The following LRRC75A variants were observed in gnomAD, a reference collection of about 807,000 sequenced individuals.
LRRC75A encodes leucine rich repeat containing 75A, also known as leucine-rich repeat-containing protein 75A.
A neutral mutation model predicts 26.0 loss-of-function variants in LRRC75A; 12 were observed. The observed-to-expected ratio is 0.46, with a 90% CI of 0.30 to 0.75. The LOEUF (loss-of-function observed/expected upper bound fraction) is 0.75. Ranked by LOEUF, LRRC75A falls within the 30% of genes least tolerant of loss-of-function variation. The pLI is 0.08. For synonymous variants in LRRC75A, 223 were observed against 219.3 expected (o/e 1.02, Z -0.15); for missense variants, 410 against 486.6 (o/e 0.84, Z 1.48).
intron 3 of LRRC75A, among the ~76,000 whole-genome samples, chr17:16,445,844 C>T (rs1196132645): frequency 6.6e-6 from 1 of 152,202 alleles, no homozygotes; most frequent in East Asian, 1.9e-4. Context: ...AATTCAGCCC[C>T]ACCACTTACC....
At chr17:16,487,793 C>T (rs2093849965) in intron 1 of LRRC75A, among the ~76,000 whole-genome samples, 1 of 152,160 alleles carries the variant, frequency 6.6e-6, no homozygotes, top group African/African-American at 2.4e-5. Flanking sequence ...AGAGTGAAGC[C>T]AGCCTCACCA....
chr17:16,479,961 C>T (rs2093829862), intron 1 of LRRC75A, among the ~76,000 whole-genome samples: 1 of 152,228 alleles, frequency 6.6e-6, no homozygotes, highest in Non-Finnish European at 1.5e-5. Context: ...AACAGTGGGC[C>T]AGTGTTCCCA....
chr17:16,449,507 A>G (rs573864836), intron 2 of LRRC75A, among the ~76,000 whole-genome samples: 3 of 152,346 alleles, frequency 2.0e-5, no homozygotes, highest in East Asian at 3.9e-4. Flanking sequence ...CTCTCCAGGC[A>G]CACTCTAAGT....
At position 16,491,398 on chromosome 17, in the gene LRRC75A, G is replaced by A. The variant is rs1229863571; in HGVS notation, c.246+347C>T. 6.6e-6 allele frequency among the ~76,000 whole-genome samples: 1 copy of A among 152,220 alleles called. No individual in the cohort carries two copies. The highest frequency in any genetic ancestry group is 2.4e-5 in the African/African-American group (1 of 41,458). Reference sequence around the variant, plus strand: ...TGCCAGTGGGCAGACAGGAAGAAAAGAGCCCTGGCCCAGATCAGGCAGGCA... The same window carrying A: ...TGCCAGTGGGCAGACAGGAAGAAAAAAGCCCTGGCCCAGATCAGGCAGGCA... On this transcript the variant is annotated intron_variant, in intron 1 of 3. Coordinates refer to ENST00000470794, the MANE Select transcript of LRRC75A (RefSeq NM_001113567.3). This position sits in a 1 kb window ranked among gnomAD's most constrained non-coding sequence, Gnocchi z 5.9.
Position 16,478,211 on chromosome 17 carries a change from G to A in LRRC75A, c.246+13534C>T, listed in dbSNP as rs1421165611. ...TTTTTCTTTTTTTTTTTTTTGAGAT[G>A]GAGTCTTGCTTTGTCACCCAGGTTG... On this transcript the variant is annotated intron_variant, in intron 1 of 3. Transcript: ENST00000470794. Among the ~76,000 whole-genome samples the A allele has an allele frequency of 2.9e-5, 4 of 140,056 alleles. No homozygotes were observed. In the East Asian group the frequency reaches 6.2e-4, roughly 22 times the overall value. The allele number at this position is 140,056 out of a possible 152,430, so 91.9% of individuals were successfully genotyped here. A position where few individuals can be genotyped will look rare whatever the true frequency, so the allele number is the denominator to read the frequency against.
intron 1 of LRRC75A, among the ~76,000 whole-genome samples, chr17:16,466,823 G>C (rs756645916): frequency 6.6e-6 from 1 of 152,186 alleles, no homozygotes; most frequent in African/African-American, 2.4e-5. Flanking sequence ...CAAAAAGTGA[G>C]TAGAGATTTA....
intron 1 of LRRC75A, among the ~76,000 whole-genome samples, chr17:16,489,717 C>T (rs1454607377): frequency 6.6e-6 from 1 of 152,222 alleles, no homozygotes; most frequent in East Asian, 1.9e-4. Context: ...GGTCCTGCTC[C>T]ATCCGTTCCA....
chr17:16,453,017 G>A (rs2093645369), intron 2 of LRRC75A, among the ~76,000 whole-genome samples: 1 of 152,070 alleles, frequency 6.6e-6, no homozygotes, highest in Admixed American at 6.6e-5. Flanking sequence ...GAGGCCGGGC[G>A]CGGTAGTTCA....
Position 16,443,809 on chromosome 17 carries a change from C to A in LRRC75A, c.814G>T (p.Val272Leu). Residue 272 changes from valine (V) to leucine (L), a missense_variant, in exon 4 of 4, where the codon GTG becomes TTG. Transcript: ENST00000470794. ...GGCTGGGGCAAGGAGAAGATGTCCA[C>A]GTTGTTGCCCAGGTCAATCCACGTG... is the stretch of plus-strand genomic sequence containing the variant. ...NVTWIDLGNN[V>L]DIFSLPQPFL... The A allele has an allele frequency of 6.2e-7, 1 of 1,613,892 alleles. No homozygotes were observed. The highest frequency in any genetic ancestry group is 1.1e-5 in the South Asian group (1 of 91,086).
At chr17:16,464,232 G>A (rs2093750778) in intron 1 of LRRC75A, among the ~76,000 whole-genome samples, 1 of 151,012 alleles carries the variant, frequency 6.6e-6, no homozygotes. Context: ...GAAAAAATTT[G>A]CTGGGAACCA....
chr17:16,458,263 C>T (rs573107964), intron 2 of LRRC75A, among the ~76,000 whole-genome samples: 5 of 151,944 alleles, frequency 3.3e-5, no homozygotes, highest in East Asian at 3.9e-4. Flanking sequence ...GTCGAGATTG[C>T]GCCATTGCAC....
chr17:16,445,380 T>C (rs2093575329), intron 3 of LRRC75A, among the ~76,000 whole-genome samples: 1 of 152,026 alleles, frequency 6.6e-6, no homozygotes, highest in African/African-American at 2.4e-5. Flanking sequence ...TTGGCCAGGA[T>C]GGTCTCGATC....
chr17:16,456,397 A>G (rs190725903), intron 2 of LRRC75A, among the ~76,000 whole-genome samples: 9 of 105,368 alleles, frequency 8.5e-5, no homozygotes, highest in Non-Finnish European at 1.2e-4. Flanking sequence ...GAAGAAGGAA[A>G]AGGAGGAAGA....
chr17:16,455,135 G>A (rs1275580848), intron 2 of LRRC75A, among the ~76,000 whole-genome samples: 1 of 151,944 alleles, frequency 6.6e-6, no homozygotes, highest in Non-Finnish European at 1.5e-5. Flanking sequence ...GTTTCACTAT[G>A]TTGGCCAGGT....
chr17:16,470,999 G>A (rs1306263745), intron 1 of LRRC75A, among the ~76,000 whole-genome samples: 1 of 152,170 alleles, frequency 6.6e-6, no homozygotes, highest in Non-Finnish European at 1.5e-5. Context: ...GATGCAGTGG[G>A]ATGAATGGTG....
At position 16,491,039 on chromosome 17, in the gene LRRC75A, C is replaced by T. The variant is rs2093856067; in HGVS notation, c.246+706G>A. Reference sequence around the variant, plus strand: ...ACTGGCCAATTCCGCAACATCTGTCCCTAGCCAGTGGGACAGGCACAGGCT... The same window carrying T: ...ACTGGCCAATTCCGCAACATCTGTCTCTAGCCAGTGGGACAGGCACAGGCT... On this transcript the variant is annotated intron_variant, in intron 1 of 3. Coordinates refer to ENST00000470794, the MANE Select transcript of LRRC75A (RefSeq NM_001113567.3). The surrounding 1 kb of genome is among the most constrained non-coding windows in gnomAD (Gnocchi z 5.9). Among the ~76,000 whole-genome samples the T allele has an allele frequency of 6.6e-6, 1 of 152,258 alleles. No homozygotes were observed. Among genetic ancestry groups the T allele is most frequent in the Non-Finnish European group, 1.5e-5 (1 of 68,046 alleles).
intron 1 of LRRC75A, among the ~76,000 whole-genome samples, chr17:16,490,804 G>A (rs1264929918): frequency 6.6e-6 from 1 of 152,182 alleles, no homozygotes; most frequent in Non-Finnish European, 1.5e-5. Flanking sequence ...AGAATATGGG[G>A]CCTGGATTGT....
At chr17:16,463,660 T>G (rs2093745326) in intron 1 of LRRC75A, 1 of 152,260 alleles carries the variant, frequency 6.6e-6, no homozygotes, top group Non-Finnish European at 1.5e-5. Flanking sequence ...CTGAGTTTGC[T>G]CCTTGTCATT....
At chr17:16,450,687 G>A (rs1424301469) in intron 2 of LRRC75A, among the ~76,000 whole-genome samples, 3 of 152,220 alleles carry the variant, frequency 2.0e-5, no homozygotes, top group Admixed American at 6.5e-5. Context: ...GAAGCAAGGC[G>A]GGTGAAGCAG....
Sources: gnomAD v4.1 joint callset for allele counts (sites outside exome capture counted in the v4.1 genomes callset) on GRCh38, gnomAD v4.1.1 for gene constraint, Gnocchi (gnomAD v3.1) non-coding constraint, MANE v1.5 for transcripts, NCBI Gene and HGNC (gene_info 2026-07-23, HGNC 2026-07-21) for gene names.